The following MVB12B variants were observed in gnomAD, a reference collection of about 807,000 sequenced individuals.
MVB12B encodes ESCRT-I complex subunit MVB12B.
A neutral mutation model predicts 41.6 loss-of-function variants in MVB12B; 16 were observed. The ratio of observed to expected loss-of-function variants is 0.38; its 90% CI spans 0.26 to 0.58. The LOEUF (loss-of-function observed/expected upper bound fraction) is 0.58. Ranked by LOEUF, MVB12B falls within the 20% of genes least tolerant of loss-of-function variation. The pLI is 0.62. For synonymous variants in MVB12B, 133 were observed against 139.7 expected (o/e 0.95, Z 0.34); for missense variants, 274 against 380.2 (o/e 0.72, Z 2.32).
chr9:126,408,847 A>G (rs894435316), intron 6 of MVB12B, among the ~76,000 whole-genome samples: 2 of 152,178 alleles, frequency 1.3e-5, no homozygotes, highest in African/African-American at 2.4e-5. Flanking sequence ...CACCAAGCTG[A>G]TGTATAGTTC....
intron 6 of MVB12B, among the ~76,000 whole-genome samples, chr9:126,420,314 G>A (rs1231702571): frequency 2.6e-5 from 4 of 152,344 alleles, no homozygotes; most frequent in South Asian, 2.1e-4. Flanking sequence ...CAGTGCACCC[G>A]GTGGACACAC....
intron 6 of MVB12B, among the ~76,000 whole-genome samples, chr9:126,399,309 T>C (rs1036273873): frequency 6.6e-6 from 1 of 152,216 alleles, no homozygotes; most frequent in Admixed American, 6.5e-5. Context: ...CCTCTCCATA[T>C]CTCTGGCCGC....
Position 126,386,513 on chromosome 9 carries a change from A to C in MVB12B, c.313-49A>C. On this transcript the variant is annotated intron_variant, in intron 3 of 9. Transcript: ENST00000361171. This position sits in a 1 kb window ranked among gnomAD's most constrained non-coding sequence, Gnocchi z 4.3. ...TGGAAGCCAAAATGGCAAACCCACC[A>C]CATGCATGTTCAGATTAATAGTCTG... is the stretch of plus-strand genomic sequence containing the variant. 3.3e-5 allele frequency: 45 copies of C among 1,356,130 alleles called. No individual in the cohort carries two copies. The highest frequency in any genetic ancestry group is 4.6e-5 in the East Asian group (2 of 43,196). The allele number at this position is 1,356,130 out of a possible 1,614,324, so 84.0% of individuals were successfully genotyped here.
intron 7 of MVB12B, among the ~76,000 whole-genome samples, chr9:126,422,840 C>T (rs1245028729): frequency 2.6e-5 from 4 of 152,146 alleles, no homozygotes; most frequent in Non-Finnish European, 5.9e-5. Flanking sequence ...ATTAGTTTTT[C>T]TCGTTATGAT....
chr9:126,466,306 G>A (rs1436772883), intron 7 of MVB12B, among the ~76,000 whole-genome samples: 1 of 152,166 alleles, frequency 6.6e-6, no homozygotes, highest in East Asian at 1.9e-4. Flanking sequence ...CTCTGAGCCT[G>A]TGTACTTGGC....
chr9:126,364,797 G>A (rs1249302765), intron 2 of MVB12B, among the ~76,000 whole-genome samples: 2 of 152,152 alleles, frequency 1.3e-5, no homozygotes, highest in Non-Finnish European at 2.9e-5. Flanking sequence ...TGTTGCCCAG[G>A]CTGGAGTGCA....
chr9:126,369,021 G>C (rs143965514), intron 2 of MVB12B, among the ~76,000 whole-genome samples: 1 of 152,178 alleles, frequency 6.6e-6, no homozygotes, highest in Non-Finnish European at 1.5e-5. Context: ...GTGATGCTCC[G>C]TGGTTGAGTG....
chr9:126,362,895 A>C (rs1830063487), intron 2 of MVB12B, among the ~76,000 whole-genome samples: 1 of 152,176 alleles, frequency 6.6e-6, no homozygotes, highest in Admixed American at 6.5e-5. Flanking sequence ...ATAAAGGAAA[A>C]TTAATTTTTG....
At chr9:126,467,249 T>G (rs565489612) in intron 7 of MVB12B, among the ~76,000 whole-genome samples, 1 of 152,296 alleles carries the variant, frequency 6.6e-6, no homozygotes, top group Non-Finnish European at 1.5e-5. Flanking sequence ...TCCTGTACCT[T>G]GTGTAATATC....
intron 6 of MVB12B, among the ~76,000 whole-genome samples, chr9:126,410,179 A>T (rs4837079): frequency 6.6e-6 from 1 of 150,970 alleles, no homozygotes; most frequent in African/African-American, 2.5e-5. Flanking sequence ...GTGTGCACGC[A>T]TGCACGCGCA....
chr9:126,394,827 G>A (rs551531773), intron 5 of MVB12B, among the ~76,000 whole-genome samples: 1 of 152,174 alleles, frequency 6.6e-6, no homozygotes, highest in Non-Finnish European at 1.5e-5. Context: ...TCTACATCAG[G>A]TCCCAAAGAT....
At chr9:126,481,239 C>T in intron 7 of MVB12B, 130 bp from the exon 8 acceptor site, 1 of 788,808 alleles carries the variant, frequency 1.3e-6, no homozygotes, top group Non-Finnish European at 2.2e-6. Flanking sequence ...TCCAGCACAT[C>T]TGTGCTGGAT....
intron 2 of MVB12B, among the ~76,000 whole-genome samples, chr9:126,375,977 A>T (rs773898070): frequency 7.9e-5 from 12 of 151,918 alleles, no homozygotes; most frequent in Non-Finnish European, 1.3e-4. Flanking sequence ...GGTCTTTTTC[A>T]TCCACTTTTG....
chr9:126,423,345 A>C (rs1322564521), intron 7 of MVB12B, among the ~76,000 whole-genome samples: 2 of 152,210 alleles, frequency 1.3e-5, no homozygotes, highest in Admixed American at 1.3e-4. Flanking sequence ...AGAGCCACAG[A>C]GTGAAATCTC....
intron 2 of MVB12B, among the ~76,000 whole-genome samples, chr9:126,370,242 A>C (rs1172348659): frequency 6.6e-6 from 1 of 152,074 alleles, no homozygotes; most frequent in Non-Finnish European, 1.5e-5. Context: ...TGCCCTCTGA[A>C]GTGGCGTGCA....
intron 7 of MVB12B, among the ~76,000 whole-genome samples, chr9:126,454,581 G>A (rs761119407): frequency 1.3e-5 from 2 of 152,222 alleles, no homozygotes; most frequent in Non-Finnish European, 2.9e-5. Context: ...TCAAGCATCA[G>A]GATACATTTG....
chr9:126,353,050 T>G (rs1254324637), intron 2 of MVB12B, among the ~76,000 whole-genome samples: 1 of 152,098 alleles, frequency 6.6e-6, no homozygotes, highest in Admixed American at 6.6e-5. Flanking sequence ...GAAGAGGAGA[T>G]GTGGCTGGAG....
At chr9:126,488,028 C>A (rs968549478) in intron 9 of MVB12B, among the ~76,000 whole-genome samples, 1 of 152,196 alleles carries the variant, frequency 6.6e-6, no homozygotes, top group Non-Finnish European at 1.5e-5. Context: ...GGGCTCCTTC[C>A]GCAGCCGTGG....
intron 1 of MVB12B, among the ~76,000 whole-genome samples, chr9:126,331,096 A>C (rs999952353): frequency 6.6e-6 from 1 of 152,092 alleles, no homozygotes; most frequent in Admixed American, 6.5e-5. Flanking sequence ...TGAGACCCCG[A>C]TTTAAATTCT....
Sources: gnomAD v4.1 joint callset for allele counts (sites outside exome capture counted in the v4.1 genomes callset) on GRCh38, gnomAD v4.1.1 for gene constraint, Gnocchi (gnomAD v3.1) non-coding constraint, MANE v1.5 for transcripts, NCBI Gene and HGNC (gene_info 2026-07-23, HGNC 2026-07-21) for gene names.